RELCH: variants seen among roughly 807,000 people sequenced by gnomAD.
RELCH encodes the protein RAB11 binding and LisH domain, coiled-coil and HEAT repeat containing.
In RELCH, 41 loss-of-function variants were observed where a neutral mutation model predicts 150.3. That is an observed-to-expected ratio of 0.27 (90% CI 0.21 to 0.35). The LOEUF is 0.35. RELCH is among the 10% of genes least tolerant of loss of function. The pLI, the probability that RELCH is intolerant of heterozygous loss-of-function variation, is 1.00. For synonymous variants in RELCH, 478 were observed against 531.8 expected, an observed-to-expected ratio of 0.90 and a Z score of 1.39; for missense variants, 1,092 against 1,467.8, an observed-to-expected ratio of 0.74 and a Z score of 4.18.
chr18:62,277,206 T>G (rs1383032712), intron 22 of RELCH, among the ~76,000 whole-genome samples: 1 of 152,112 alleles, frequency 6.6e-6, no homozygotes, highest in Non-Finnish European at 1.5e-5. Context: ...TTATTATACG[T>G]GGCTTATGTC....
At chr18:62,252,278 C>T (rs1245042594) in intron 11 of RELCH, among the ~76,000 whole-genome samples, 3 of 151,690 alleles carry the variant, frequency 2.0e-5, no homozygotes, top group African/African-American at 7.3e-5. Flanking sequence ...GGATTACAGG[C>T]GTGAGCTACT....
chr18:62,291,034 T>C (rs78249904), intron 26 of RELCH, among the ~76,000 whole-genome samples: 2,604 of 152,294 alleles, frequency 0.017, 86 homozygotes, highest in East Asian at 0.13. Context: ...TTAAAGTTCT[T>C]TAAAGAGGAT....
intron 1 of RELCH, among the ~76,000 whole-genome samples, chr18:62,200,562 CTTT>C (rs777685514): frequency 2.1e-5 from 3 of 139,768 alleles, no homozygotes; most frequent in Non-Finnish European, 1.6e-5. Context: ...CTGTCCCCAA[CTTT>C]TTTTTTTTTT....
chr18:62,303,649 C>G (rs2045762574), intron 28 of RELCH, among the ~76,000 whole-genome samples: 1 of 152,160 alleles, frequency 6.6e-6, no homozygotes, highest in South Asian at 2.1e-4. Context: ...AGGACTTCAG[C>G]TGGGCTTTGA....
chr18:62,267,390 ATCTC>A (rs1170393980), intron 19 of RELCH, among the ~76,000 whole-genome samples: 2 of 151,208 alleles, frequency 1.3e-5, no homozygotes, highest in East Asian at 1.9e-4. Context: ...TTGAATATAT[ATCTC>A]TCTATATATA....
chr18:62,214,483 C>G (rs1169579308), intron 2 of RELCH, among the ~76,000 whole-genome samples: 2 of 152,182 alleles, frequency 1.3e-5, no homozygotes, highest in Non-Finnish European at 2.9e-5. Flanking sequence ...CAGGCTACTC[C>G]TGCAAGCTGG....
chr18:62,279,953 T>A, intron 23 of RELCH, 97 bp downstream of exon 23: 2 of 731,738 alleles, frequency 2.7e-6, no homozygotes, highest in Non-Finnish European at 4.6e-6. Context: ...AGAATCTCTT[T>A]AAATTAATAA....
intron 20 of RELCH, chr18:62,269,462 A>G: frequency 2.4e-6 from 1 of 412,740 alleles, no homozygotes; most frequent in South Asian, 1.7e-5. Context: ...ATGGGACCCA[A>G]GTCTAAACAC....
chr18:62,202,515 A>G (rs2039518338), intron 1 of RELCH, among the ~76,000 whole-genome samples: 1 of 152,150 alleles, frequency 6.6e-6, no homozygotes, highest in African/African-American at 2.4e-5. Flanking sequence ...AAGATATCAG[A>G]GCTTTTTTTT....
At chr18:62,267,498 G>A (rs879573008) in intron 19 of RELCH, among the ~76,000 whole-genome samples, 103 of 139,246 alleles carry the variant, frequency 7.4e-4, no homozygotes, top group African/African-American at 1.7e-3. Flanking sequence ...GTGTGTGTGT[G>A]TGTGTGTGTG....
At chr18:62,229,518 G>GTGTGTGTGTGTGTC (rs539055675) in intron 8 of RELCH, among the ~76,000 whole-genome samples, 149 of 147,728 alleles carry the variant, frequency 1.0e-3, no homozygotes, top group Middle Eastern at 7.0e-3. Flanking sequence ...GTGTGTGTGT[G>GTGTGTGTGTGTGTC]TGTCTGTCTG....
At chr18:62,237,736 GA>G (rs1244174941) in intron 10 of RELCH, among the ~76,000 whole-genome samples, 3 of 151,280 alleles carry the variant, frequency 2.0e-5, no homozygotes, top group Admixed American at 6.6e-5. Flanking sequence ...GAAAAATAAA[GA>G]AAAAAATCCT....
At position 62,187,832 on chromosome 18, in the gene RELCH, C is replaced by A; in HGVS notation, c.327C>A (p.Thr109=). 6.3e-7 allele frequency: 1 copy of A among 1,591,712 alleles called. No individual in the cohort carries two copies. ...TGTTGCGCGATCAATACTTGCTGAC[C>A]GCCCTGGAGCTGCATACCGAGCTGT... ...AQLLRDQYLL[T]ALELHTELLE... Residue 109 remains threonine, a synonymous_variant, in exon 1 of 29, where the codon ACC becomes ACA. Coordinates refer to ENST00000644646, the MANE Select transcript of RELCH (RefSeq NM_001346231.2).
At chr18:62,288,755 G>A (rs753367546) in intron 26 of RELCH, among the ~76,000 whole-genome samples, 6 of 151,990 alleles carry the variant, frequency 3.9e-5, no homozygotes, top group Non-Finnish European at 7.4e-5. Context: ...TTGATTTCTT[G>A]TTGGCATTTT....
chr18:62,292,950 T>G (rs773812383), intron 27 of RELCH, among the ~76,000 whole-genome samples: 21 of 152,188 alleles, frequency 1.4e-4, no homozygotes, highest in Admixed American at 6.5e-4. Flanking sequence ...CTTCGTGTTA[T>G]TCTCCTATTA....
At chr18:62,203,647 A>G (rs1379682427) in intron 1 of RELCH, among the ~76,000 whole-genome samples, 1 of 152,206 alleles carries the variant, frequency 6.6e-6, no homozygotes, top group East Asian at 1.9e-4. Context: ...AGTAGCCTTA[A>G]TCAACTTTAT....
rs111310090 is a variant in RELCH, at chr18:62,302,895, G to T, written c.3531-2519G>T. On this transcript the variant is annotated intron_variant, in intron 28 of 28. Coordinates refer to ENST00000644646, the MANE Select transcript of RELCH (RefSeq NM_001346231.2). ...CATGAATAGTTTTAAAGAAGATAGG[G>T]ATATTAGTTGCAAAGAAAAGATCTG... Among the ~76,000 whole-genome samples, 1,215 of 152,250 alleles carry T rather than the reference G, an allele frequency of 8.0e-3. 19 individuals are homozygous for T. Among genetic ancestry groups the T allele is most frequent in the African/African-American group, 0.028 (1,162 of 41,542 alleles).
chr18:62,205,140 A>T (rs2039696007), intron 1 of RELCH, among the ~76,000 whole-genome samples: 1 of 152,230 alleles, frequency 6.6e-6, no homozygotes, highest in African/African-American at 2.4e-5. Context: ...TTTTCAAATT[A>T]AGTTGCACAT....
intron 1 of RELCH, among the ~76,000 whole-genome samples, chr18:62,204,634 TATA>T (rs199730920): frequency 0.043 from 6,606 of 152,274 alleles, 169 homozygotes; most frequent in South Asian, 0.073. Flanking sequence ...CCCTCCATTT[TATA>T]ATATGTCATA....
Sources: allele counts gnomAD v4.1 joint callset (sites outside exome capture counted in the v4.1 genomes callset), GRCh38; gene constraint gnomAD v4.1.1; transcripts MANE v1.5; gene names NCBI Gene and HGNC (gene_info 2026-07-23, HGNC 2026-07-21).